Variants in ADAMTSL1 observed in about 807,000 individuals in gnomAD.
ADAMTSL1 encodes the protein ADAMTS like 1.
ADAMTSL1 carries 126 observed loss-of-function variants against 201.8 expected under a neutral mutation model. The ratio of observed to expected loss-of-function variants is 0.62; its 90% CI spans 0.54 to 0.72. The LOEUF (loss-of-function observed/expected upper bound fraction) is 0.72. ADAMTSL1 is among the 30% of genes least tolerant of loss of function. The pLI is 0.00. For missense variants in ADAMTSL1, 2,679 were observed against 2,277.8 expected, an observed-to-expected ratio of 1.18 and a Z score of -3.59; for synonymous variants, 1,121 against 903.4, an observed-to-expected ratio of 1.24 and a Z score of -4.32.
At chr9:17,924,870 A>C (rs1314576450) in intron 1 of ADAMTSL1, among the ~76,000 whole-genome samples, 14 of 85,202 alleles carry the variant, frequency 1.6e-4, no homozygotes, top group African/African-American at 4.0e-4. Context: ...TAATTAAACT[A>C]AAGAGCTTCT....
At chr9:18,658,237 G>GT (rs1554723971) in intron 8 of ADAMTSL1, among the ~76,000 whole-genome samples, 1 of 152,164 alleles carries the variant, frequency 6.6e-6, no homozygotes, top group Non-Finnish European at 1.5e-5. Context: ...GCCTCCCAAA[G>GT]TGCTGGGATT....
chr9:18,910,124 C>A lies in ADAMTSL1; in HGVS notation c.*1576C>A, dbSNP rs1183377337. 1 of 152,124 alleles carries A rather than the reference C, an allele frequency of 6.6e-6. No homozygotes were observed. Among genetic ancestry groups the A allele is most frequent in the Non-Finnish European group, 1.5e-5 (1 of 68,048 alleles). The allele number at this position is 152,124 out of a possible 1,614,324, so 9.4% of individuals were successfully genotyped here. On this transcript the variant is annotated 3_prime_UTR_variant, in exon 29 of 29. Transcript: ENST00000380548. ...CATCAGGGCTGCATTTCCAGCCAGCCTGGAAGTAAAATTTGAGAGGAAGAC... is the reference window on the plus strand; with the variant it reads ...CATCAGGGCTGCATTTCCAGCCAGCATGGAAGTAAAATTTGAGAGGAAGAC...
At chr9:18,569,773 C>T (rs1347967732) in intron 3 of ADAMTSL1, among the ~76,000 whole-genome samples, 1 of 152,202 alleles carries the variant, frequency 6.6e-6, no homozygotes, top group Non-Finnish European at 1.5e-5. Context: ...TATATTAATA[C>T]ATGTAAGCAT....
At chr9:18,234,405 A>T (rs1253381413) in intron 2 of ADAMTSL1, among the ~76,000 whole-genome samples, 2 of 151,962 alleles carry the variant, frequency 1.3e-5, no homozygotes, top group African/African-American at 4.8e-5. Flanking sequence ...GAGGAAACTG[A>T]CATTTCTTGA....
At chr9:18,242,663 G>C (rs1047012117) in intron 2 of ADAMTSL1, among the ~76,000 whole-genome samples, 3 of 152,074 alleles carry the variant, frequency 2.0e-5, no homozygotes, top group Admixed American at 1.3e-4. Flanking sequence ...CACTAAAGTT[G>C]TAGGATATGA....
At chr9:18,037,039 G>A (rs905942293) in intron 1 of ADAMTSL1, among the ~76,000 whole-genome samples, 3 of 152,040 alleles carry the variant, frequency 2.0e-5, no homozygotes, top group South Asian at 2.1e-4. Context: ...GTGATGTGTC[G>A]TCTAATCTCT....
At chr9:18,397,616 TACAA>T (rs1817807581) in intron 2 of ADAMTSL1, among the ~76,000 whole-genome samples, 1 of 152,076 alleles carries the variant, frequency 6.6e-6, no homozygotes, top group Admixed American at 6.6e-5. Flanking sequence ...CAAAACCCAA[TACAA>T]GTACATGTTT....
At chr9:18,274,149 T>C (rs773588314) in intron 2 of ADAMTSL1, among the ~76,000 whole-genome samples, 13 of 152,254 alleles carry the variant, frequency 8.5e-5, no homozygotes, top group South Asian at 2.1e-4. Context: ...TGAGTTCTCA[T>C]TCATGCAGTT....
intron 23 of ADAMTSL1, among the ~76,000 whole-genome samples, chr9:18,832,583 A>C (rs1206030529): frequency 1.3e-5 from 2 of 152,216 alleles, no homozygotes; most frequent in African/African-American, 4.8e-5. Flanking sequence ...GGATAACAGA[A>C]TTCTAGACCA....
intron 1 of ADAMTSL1, among the ~76,000 whole-genome samples, chr9:17,940,105 G>A (rs1238363525): frequency 6.6e-6 from 1 of 152,156 alleles, no homozygotes; most frequent in Non-Finnish European, 1.5e-5. Flanking sequence ...GACATAGTCA[G>A]GTGGTAGGTT....
chr9:17,907,759 C>T (rs1825778389), intron 1 of ADAMTSL1, among the ~76,000 whole-genome samples: 2 of 152,150 alleles, frequency 1.3e-5, no homozygotes, highest in Non-Finnish European at 2.9e-5. Context: ...TCGAGTCAAA[C>T]TCAGAATGCC....
chr9:18,593,590 G>A (rs908644781), intron 4 of ADAMTSL1, among the ~76,000 whole-genome samples: 1 of 151,782 alleles, frequency 6.6e-6, no homozygotes, highest in Non-Finnish European at 1.5e-5. Context: ...CATATATTTT[G>A]TTATGTCATG....
intron 2 of ADAMTSL1, among the ~76,000 whole-genome samples, chr9:18,231,810 G>A (rs2132410169): frequency 6.6e-6 from 1 of 152,264 alleles, no homozygotes; most frequent in East Asian, 1.9e-4. Flanking sequence ...AAACCTTCAA[G>A]CTATCCTTGA....
chr9:18,854,849 A>T (rs1439929943), intron 23 of ADAMTSL1, among the ~76,000 whole-genome samples: 1 of 152,218 alleles, frequency 6.6e-6, no homozygotes, highest in African/African-American at 2.4e-5. Context: ...CATTAAATCT[A>T]TTCTCAAAAT....
intron 2 of ADAMTSL1, among the ~76,000 whole-genome samples, chr9:18,282,620 G>A (rs572470845): frequency 5.3e-5 from 8 of 152,338 alleles, no homozygotes; most frequent in East Asian, 3.9e-4. Flanking sequence ...GTACGTGGCC[G>A]GGTGCAGTGG....
At chr9:18,520,703 A>T (rs571494242) in intron 2 of ADAMTSL1, among the ~76,000 whole-genome samples, 214 of 152,348 alleles carry the variant, frequency 1.4e-3, no homozygotes, top group Non-Finnish European at 2.5e-3. Context: ...CTGATGGATG[A>T]TGCCTGGCAG....
chr9:18,664,266 C>G (rs1247576448), intron 9 of ADAMTSL1, among the ~76,000 whole-genome samples: 1 of 151,900 alleles, frequency 6.6e-6, no homozygotes, highest in Admixed American at 6.6e-5. Flanking sequence ...TCAAAGCAAC[C>G]CTTCTGAATT....
chr9:18,196,432 A>C (rs1468631530), intron 2 of ADAMTSL1, among the ~76,000 whole-genome samples: 1 of 152,004 alleles, frequency 6.6e-6, no homozygotes, highest in Non-Finnish European at 1.5e-5. Flanking sequence ...CTTAATTGTA[A>C]AAATGTGGCT....
intron 4 of ADAMTSL1, among the ~76,000 whole-genome samples, chr9:18,621,056 A>G (rs561426349): frequency 1.3e-5 from 2 of 152,374 alleles, no homozygotes; most frequent in Non-Finnish European, 2.9e-5. Flanking sequence ...TTGAAAGGCA[A>G]GACGAACTGT....
Sources: allele counts gnomAD v4.1 joint callset (sites outside exome capture counted in the v4.1 genomes callset), GRCh38; gene constraint gnomAD v4.1.1; transcripts MANE v1.5; gene names NCBI Gene and HGNC (gene_info 2026-07-23, HGNC 2026-07-21).